TASP1: variants seen among roughly 807,000 people sequenced by gnomAD.
The protein encoded by TASP1 is threonine aspartase 1.
Under a neutral mutation model 56.6 loss-of-function variants are expected in TASP1, and 16 were observed. The ratio of observed to expected loss-of-function variants is 0.28; its 90% CI spans 0.19 to 0.43. The LOEUF is 0.43. TASP1 is among the 20% of genes least tolerant of loss of function. The pLI is 1.00. For missense variants in TASP1, 393 were observed against 511.6 expected (o/e 0.77, Z 2.24); for synonymous variants, 179 against 184.2 (o/e 0.97, Z 0.23).
the TASP1 span, among the ~76,000 whole-genome samples, chr20:13,163,668 G>A: frequency 6.6e-6 from 1 of 151,702 alleles, no homozygotes; most frequent in Non-Finnish European, 1.5e-5. Context: ...TAACAAGTTG[G>A]AGGAAATCTT....
chr20:13,546,297 T>C (rs1178271686), intron 8 of TASP1, among the ~76,000 whole-genome samples: 1 of 152,154 alleles, frequency 6.6e-6, no homozygotes. Flanking sequence ...GACTAGCTGG[T>C]AGTTCCTCAA....
At chr20:13,306,564 C>CAAAAAAAAAAAAAAAAAAAA in the TASP1 span, among the ~76,000 whole-genome samples, 16 of 63,908 alleles carry the variant, frequency 2.5e-4, no homozygotes, top group East Asian at 5.3e-4. Context: ...GGAGAAAGGA[C>CAAAAAAAAAAAAAAAAAAAA]AAAAAAAAAA....
the TASP1 span, chr20:13,280,018 A>T: frequency 1.2e-4 from 109 of 934,154 alleles, no homozygotes; most frequent in Admixed American, 2.5e-4. Flanking sequence ...CTGTGAGGCA[A>T]ACCTCACAAA....
At chr20:13,416,939 T>C (rs951780388) in intron 13 of TASP1, among the ~76,000 whole-genome samples, 3 of 152,214 alleles carry the variant, frequency 2.0e-5, no homozygotes, top group African/African-American at 7.2e-5. Flanking sequence ...ATTCTGCCCA[T>C]GAAGACACCA....
the TASP1 span, among the ~76,000 whole-genome samples, chr20:13,138,268 A>G: frequency 2.0e-5 from 3 of 152,324 alleles, no homozygotes; most frequent in African/African-American, 7.2e-5. Flanking sequence ...CCCATTCAGC[A>G]TCAGCTTTGG....
the TASP1 span, among the ~76,000 whole-genome samples, chr20:13,136,048 G>A: frequency 6.6e-6 from 1 of 152,182 alleles, no homozygotes; most frequent in African/African-American, 2.4e-5. Flanking sequence ...TCTGATTTCA[G>A]TAGAATACAC....
chr20:13,585,129 G>C lies in TASP1; in HGVS notation c.403+2121C>G, dbSNP rs987401394. On this transcript the variant is annotated intron_variant, in intron 5 of 13. Transcript: ENST00000337743. ...GAGGAAAAGACTTCCTTTCAATAGA[G>C]GGCAATGGACCATTTGGATATCCAT... Among the ~76,000 whole-genome samples, 9 of 152,180 alleles carry C rather than the reference G, an allele frequency of 5.9e-5. No individual in the cohort carries two copies. In the South Asian group the frequency reaches 1.5e-3, roughly 25 times the overall value.
chr20:13,493,480 C>T (rs934046412), intron 10 of TASP1, among the ~76,000 whole-genome samples: 5 of 152,176 alleles, frequency 3.3e-5, no homozygotes, highest in African/African-American at 1.2e-4. Flanking sequence ...GATGCTTCCT[C>T]CTGCTCCTCC....
chr20:13,279,586 G>T, the TASP1 span: 6 of 1,565,124 alleles, frequency 3.8e-6, no homozygotes, highest in South Asian at 5.8e-5. Flanking sequence ...CATGTAGCTT[G>T]GAGGCTGTTG....
intron 4 of TASP1, among the ~76,000 whole-genome samples, chr20:13,588,250 A>AAGGAAGGAAGG (rs2047381095): frequency 7.2e-5 from 7 of 96,676 alleles, no homozygotes; most frequent in East Asian, 2.8e-4. Flanking sequence ...AGAAAGGAAG[A>AAGGAAGGAAGG]AAGGAAGGAA....
At chr20:13,146,131 T>G in the TASP1 span, among the ~76,000 whole-genome samples, 3 of 152,162 alleles carry the variant, frequency 2.0e-5, no homozygotes, top group African/African-American at 7.2e-5. Context: ...TGCAGGAACA[T>G]GGATGGAGCT....
the TASP1 span, among the ~76,000 whole-genome samples, chr20:13,333,406 A>G: frequency 7.9e-5 from 12 of 152,352 alleles, no homozygotes; most frequent in South Asian, 2.5e-3. Context: ...GGCACCTTAG[A>G]AATTGCAACA....
intron 12 of TASP1, among the ~76,000 whole-genome samples, chr20:13,421,948 T>G (rs1600738880): frequency 6.6e-6 from 1 of 151,342 alleles, no homozygotes; most frequent in African/African-American, 2.4e-5. Flanking sequence ...GTGTTTCTGT[T>G]TAACCTTTTT....
At chr20:13,554,929 A>C (rs2046104710) in intron 8 of TASP1, among the ~76,000 whole-genome samples, 1 of 152,216 alleles carries the variant, frequency 6.6e-6, no homozygotes, top group African/African-American at 2.4e-5. Flanking sequence ...TCTTAAAACA[A>C]ACTAATAAGG....
At chr20:13,187,199 G>A in the TASP1 span, among the ~76,000 whole-genome samples, 1 of 152,006 alleles carries the variant, frequency 6.6e-6, no homozygotes, top group South Asian at 2.1e-4. Context: ...AGAAAAATAA[G>A]TGAAAAATGC....
At chr20:13,187,399 A>AAAC in the TASP1 span, among the ~76,000 whole-genome samples, 1 of 151,932 alleles carries the variant, frequency 6.6e-6, no homozygotes, top group Non-Finnish European at 1.5e-5. Flanking sequence ...AGATAAATAC[A>AAAC]AACAACAACA....
the TASP1 span, among the ~76,000 whole-genome samples, chr20:13,221,258 CCTCCTT>C: frequency 1.2e-3 from 132 of 107,556 alleles, 2 homozygotes; most frequent in African/African-American, 2.5e-3. Context: ...TCCTCCTCCT[CCTCCTT>C]CTCCTTCTCC....
chr20:13,284,708 A>G, the TASP1 span, among the ~76,000 whole-genome samples: 1 of 152,234 alleles, frequency 6.6e-6, no homozygotes, highest in Non-Finnish European at 1.5e-5. Context: ...CAGGGGAGTG[A>G]GCTCACATAC....
the TASP1 span, among the ~76,000 whole-genome samples, chr20:13,129,985 A>G: frequency 0.027 from 4,053 of 152,232 alleles, 71 homozygotes; most frequent in African/African-American, 0.032. Context: ...TGGTTTTTTT[A>G]GAGGCAAAAT....
Sources: gnomAD v4.1 joint callset for allele counts (sites outside exome capture counted in the v4.1 genomes callset) on GRCh38, gnomAD v4.1.1 for gene constraint, MANE v1.5 for transcripts, NCBI Gene and HGNC (gene_info 2026-07-23, HGNC 2026-07-21) for gene names.